TMEM184B: variants seen among roughly 807,000 people sequenced by gnomAD.
TMEM184B encodes the protein putative MAPK-activating protein FM08.
Under a neutral mutation model 41.8 loss-of-function variants are expected in TMEM184B, and 17 were observed. The observed-to-expected ratio is 0.41, with a 90% CI of 0.28 to 0.61. TMEM184B has a LOEUF of 0.61. Among genes scored for constraint, TMEM184B ranks in the 20% least tolerant of loss-of-function variants. TMEM184B has a pLI of 0.34. For missense variants in TMEM184B, 393 were observed against 557.8 expected (o/e 0.70, Z 2.98); for synonymous variants, 240 against 229.5 (o/e 1.05, Z -0.41).
At position 38,226,090 on chromosome 22, in the gene TMEM184B, T is replaced by G. The variant is rs1362258685; in HGVS notation, c.618-497A>C. On this transcript the variant is annotated intron_variant, in intron 6 of 8. Coordinates refer to ENST00000361906, the MANE Select transcript of TMEM184B (RefSeq NM_012264.5). This position sits in a 1 kb window ranked among gnomAD's most constrained non-coding sequence, Gnocchi z 4.6. The stretch of plus-strand genomic sequence containing the variant: ...ACACATGGTCACTTTTTTTTTTTTT[T>G]TTTTTAGATATGGAGTTTTGTTCTT... Among the ~76,000 whole-genome samples, 1 of 151,930 alleles carries G rather than the reference T, an allele frequency of 6.6e-6. No individual in the cohort carries two copies. Among genetic ancestry groups the G allele is most frequent in the Non-Finnish European group, 1.5e-5 (1 of 67,934 alleles).
chr22:38,251,150 A>G (rs540929178), intron 1 of TMEM184B, among the ~76,000 whole-genome samples: 1 of 152,236 alleles, frequency 6.6e-6, no homozygotes, highest in South Asian at 2.1e-4. Context: ...GGTGGAGGAG[A>G]AGCCACCATG....
intron 3 of TMEM184B, among the ~76,000 whole-genome samples, chr22:38,233,129 C>T (rs2091680542): frequency 6.6e-6 from 1 of 152,186 alleles, no homozygotes; most frequent in South Asian, 2.1e-4. Context: ...TTAGGCAAAG[C>T]TGGCCTTCAG....
At chr22:38,218,056 C>G (rs2091171946), downstream of TMEM184B, among the ~76,000 whole-genome samples, 1 of 152,156 alleles carries the variant, frequency 6.6e-6, no homozygotes, top group South Asian at 2.1e-4. Context: ...ACCCAGATTT[C>G]AGAGTAATTT....
In TMEM184B at chr22:38,237,722, A is replaced by C. The variant is rs1054964058; in HGVS notation, c.359-6388T>G. ...GAATGGGCACAGTGTGTTGCAACCA[A>C]GGGGGCAGGGGTCTGCGTGGTACAA... On this transcript the variant is annotated intron_variant, in intron 3 of 8. Coordinates refer to ENST00000361906, the MANE Select transcript of TMEM184B (RefSeq NM_012264.5). Among the ~76,000 whole-genome samples, 3 of 152,018 alleles carry C rather than the reference A, an allele frequency of 2.0e-5. No homozygotes were observed. In the East Asian group the frequency reaches 5.8e-4, roughly 29 times the overall value.
intron 1 of TMEM184B, among the ~76,000 whole-genome samples, chr22:38,248,841 G>A (rs996938765): frequency 1.3e-5 from 2 of 152,156 alleles, no homozygotes; most frequent in African/African-American, 4.8e-5. Context: ...GGCCTCCTCC[G>A]AGGGCCTGTG....
rs1412099825 is a variant in TMEM184B, at chr22:38,253,409, A to C, written c.-58-5390T>G. Among the ~76,000 whole-genome samples, 3 of 151,964 alleles carry C rather than the reference A, an allele frequency of 2.0e-5. No individual in the cohort carries two copies. In the East Asian group the frequency reaches 5.8e-4, roughly 29 times the overall value. On this transcript the variant is annotated intron_variant, in intron 1 of 8. Coordinates refer to ENST00000361906, the MANE Select transcript of TMEM184B (RefSeq NM_012264.5). ...ACATAGCGAAACCCTGTCTCTACTA[A>C]AAATACAAAAATTAGCCAGACGTAG... is the stretch of plus-strand genomic sequence containing the variant.
At chr22:38,223,549 C>G (rs1413494270) in intron 8 of TMEM184B, 1 of 152,604 alleles carries the variant, frequency 6.6e-6, no homozygotes, top group East Asian at 1.9e-4. Context: ...GCCGCGGAGC[C>G]CCGCTGCAGG....
At chr22:38,223,963 G>C (rs1322577032) in intron 8 of TMEM184B, 1 of 152,260 alleles carries the variant, frequency 6.6e-6, no homozygotes, top group South Asian at 2.1e-4. Flanking sequence ...GTGGGGCTGG[G>C]TATCAGCACT....
intron 1 of TMEM184B, among the ~76,000 whole-genome samples, chr22:38,248,486 CTCAG>C (rs2092090909): frequency 6.6e-6 from 1 of 152,246 alleles, no homozygotes; most frequent in Admixed American, 6.5e-5. Context: ...GCTGTCTCTG[CTCAG>C]TCAAATACCT....
chr22:38,237,190 T>C (rs900557591), intron 3 of TMEM184B, among the ~76,000 whole-genome samples: 1 of 151,992 alleles, frequency 6.6e-6, no homozygotes, highest in African/African-American at 2.4e-5. Context: ...GCCACCCTCA[T>C]TCCCCCACAA....
In TMEM184B at chr22:38,220,090, G is replaced by C; in HGVS notation, c.*1379C>G. On this transcript the variant is annotated 3_prime_UTR_variant, in exon 9 of 9. Coordinates refer to ENST00000361906, the MANE Select transcript of TMEM184B (RefSeq NM_012264.5). ...GCAGCCCAAACCCAGGGATAATCTG[G>C]GTTTTAAATGCCAGGACACTTTGCC... The C allele has an allele frequency of 1.0e-6, 1 of 985,440 alleles. No individual in the cohort carries two copies. The highest frequency in any genetic ancestry group is 1.2e-6 in the Non-Finnish European group (1 of 829,968). The allele number at this position is 985,440 out of a possible 1,614,324, so 61.0% of individuals were successfully genotyped here. A position where few individuals can be genotyped will look rare whatever the true frequency, so the allele number is the denominator to read the frequency against.
chr22:38,231,623 G>A, intron 3 of TMEM184B: 2 of 544,372 alleles, frequency 3.7e-6, no homozygotes, highest in Non-Finnish European at 3.3e-6. Context: ...TATGTGGGGA[G>A]GCCAGAGGAG....
chr22:38,263,469 G>C (rs777689520), intron 1 of TMEM184B, among the ~76,000 whole-genome samples: 2 of 152,056 alleles, frequency 1.3e-5, no homozygotes, highest in Non-Finnish European at 2.9e-5. Flanking sequence ...TGCTCAATCC[G>C]GCACAGTGCG....
chr22:38,233,014 CCT>C (rs2091676190), intron 3 of TMEM184B, among the ~76,000 whole-genome samples: 2 of 152,186 alleles, frequency 1.3e-5, no homozygotes, highest in Non-Finnish European at 2.9e-5. Flanking sequence ...CTGGTCTCCC[CCT>C]CTCGCCTTCC....
chr22:38,267,684 C>T (rs972943612), intron 1 of TMEM184B, among the ~76,000 whole-genome samples: 38 of 152,094 alleles, frequency 2.5e-4, no homozygotes, highest in South Asian at 4.1e-4. Context: ...CTGCCCACCT[C>T]GGCCTCCCAA....
At chr22:38,268,810 G>C (rs768577134) in intron 1 of TMEM184B, among the ~76,000 whole-genome samples, 3 of 152,258 alleles carry the variant, frequency 2.0e-5, no homozygotes, top group Non-Finnish European at 2.9e-5. Context: ...AATTGCTTGT[G>C]TGTCTGATTT....
In TMEM184B at chr22:38,231,378, T is replaced by A. The variant is rs200371076; in HGVS notation, c.359-44A>T. The stretch of plus-strand genomic sequence containing the variant: ...GGAGAAACCAGTCAAATCAGCAGAA[T>A]GGGTCCGCAGATGCTGGGATTCTAA... On this transcript the variant is annotated intron_variant, in intron 3 of 8. Transcript: ENST00000361906. The A allele has an allele frequency of 4.7e-6, 7 of 1,488,816 alleles. No homozygotes were observed. The Admixed American group carries it at 8.4e-5, about 18-fold the overall frequency. The allele number at this position is 1,488,816 out of a possible 1,614,324, so 92.2% of individuals were successfully genotyped here.
intron 1 of TMEM184B, among the ~76,000 whole-genome samples, chr22:38,266,647 G>T (rs2092448041): frequency 6.6e-6 from 1 of 152,166 alleles, no homozygotes; most frequent in South Asian, 2.1e-4. Context: ...TTTATAACCC[G>T]GTGTTAAGTA....
rs1271770914 is a variant in TMEM184B, at chr22:38,220,969, G to A, written c.*500C>T. Reference sequence around the variant, plus strand: ...ACAGAGCGCCCACATCCCCACTCCTGCCCGGGGTGAGGTGAATCTAGCACT... The same window carrying A: ...ACAGAGCGCCCACATCCCCACTCCTACCCGGGGTGAGGTGAATCTAGCACT... On this transcript the variant is annotated 3_prime_UTR_variant, in exon 9 of 9. Transcript: ENST00000361906. 4 of 990,482 alleles carry A rather than the reference G, an allele frequency of 4.0e-6. No homozygotes were observed. The African/African-American group carries it at 5.2e-5, about 13-fold the overall frequency. 61.4% of individuals were successfully genotyped at this position (990,482 alleles called of 1,614,324 possible).
Sources: allele counts gnomAD v4.1 joint callset (sites outside exome capture counted in the v4.1 genomes callset), GRCh38; gene constraint gnomAD v4.1.1; non-coding constraint Gnocchi (gnomAD v3.1); transcripts MANE v1.5; gene names NCBI Gene and HGNC (gene_info 2026-07-23, HGNC 2026-07-21).